Variants in ZYG11A observed in about 807,000 individuals in gnomAD.
ZYG11A encodes protein zyg-11 homolog A.
ZYG11A carries 62 observed loss-of-function variants against 77.2 expected under a neutral mutation model. The observed-to-expected ratio is 0.80, with a 90% confidence interval of 0.65 to 0.99. The LOEUF is 0.99. Ranked by LOEUF, ZYG11A falls within the 50% of genes least tolerant of loss-of-function variation. The pLI is 0.00. For synonymous variants in ZYG11A, 315 were observed against 324.6 expected (o/e 0.97, Z 0.32); for missense variants, 828 against 896.8 (o/e 0.92, Z 0.98).
chr1:52,864,506 T>C (rs1467738106), intron 5 of ZYG11A, among the ~76,000 whole-genome samples: 1 of 152,128 alleles, frequency 6.6e-6, no homozygotes, highest in African/African-American at 2.4e-5. Context: ...GGCAGACAAT[T>C]TGTGTTTTCT....
Position 52,846,310 on chromosome 1 carries a change from T to TTA in ZYG11A, c.90+3393_90+3394dup, listed in dbSNP as rs869093943. Among the ~76,000 whole-genome samples, 156 of 35,682 alleles carry TTA rather than the reference T, an allele frequency of 4.4e-3. 1 individual carries two copies. Among genetic ancestry groups the TTA allele is most frequent in the Non-Finnish European group, 8.0e-3 (104 of 13,014 alleles). The allele number at this position is 35,682 out of a possible 152,430, so 23.4% of individuals were successfully genotyped here. ...TTGGAAATCATGGCTTTTTAAATTT[T>TTA]TATATATATATATATATATATATAT... On this transcript the variant is annotated intron_variant, in intron 1 of 13. Transcript: ENST00000371528.
chr1:52,881,367 T>TTCTGAATTTA, intron 10 of ZYG11A, 104 bp from the exon 11 acceptor site: 1 of 791,546 alleles, frequency 1.3e-6, no homozygotes, highest in Non-Finnish European at 2.0e-6. Flanking sequence ...AGAATAAGAG[T>TTCTGAATTTA]TCTGAATTTA....
chr1:52,865,492 C>T (rs1324746585), intron 5 of ZYG11A, among the ~76,000 whole-genome samples: 2 of 152,126 alleles, frequency 1.3e-5, no homozygotes, highest in Non-Finnish European at 2.9e-5. Context: ...TAAATGAAAG[C>T]ATGTATCCAT....
chr1:52,892,054 A>C (rs1160070186), intron 13 of ZYG11A, among the ~76,000 whole-genome samples: 1 of 150,468 alleles, frequency 6.6e-6, no homozygotes, highest in African/African-American at 2.5e-5. Flanking sequence ...GCCCACGACC[A>C]CGCCCAGCTA....
intron 13 of ZYG11A, among the ~76,000 whole-genome samples, chr1:52,892,537 A>G (rs1646563060): frequency 1.3e-5 from 2 of 151,970 alleles, no homozygotes; most frequent in African/African-American, 2.4e-5. Flanking sequence ...TCAAAAAAAA[A>G]AAGAAAAAGA....
At chr1:52,843,909 A>C (rs2149980098) in intron 1 of ZYG11A, among the ~76,000 whole-genome samples, 1 of 151,752 alleles carries the variant, frequency 6.6e-6, no homozygotes, top group East Asian at 1.9e-4. Flanking sequence ...GATGGTTTCG[A>C]ACTCCAGACC....
In ZYG11A at chr1:52,842,855, C is replaced by G. The variant is rs549648855; in HGVS notation, c.-29C>G. 6.5e-7 allele frequency: 1 copy of G among 1,527,800 alleles called. No homozygotes were observed. Among genetic ancestry groups the G allele is most frequent in the African/African-American group, 1.4e-5 (1 of 70,260 alleles). 94.6% of individuals were successfully genotyped at this position (1,527,800 alleles called of 1,614,324 possible). ...CGGGCTCCGGCTCGACGCCGGCTCTCTTTTTGACGCCCCGCCGCCGGGGTT... is the reference window on the plus strand; with the variant it reads ...CGGGCTCCGGCTCGACGCCGGCTCTGTTTTTGACGCCCCGCCGCCGGGGTT... On this transcript the variant is annotated 5_prime_UTR_variant, in exon 1 of 14. Coordinates refer to ENST00000371528, the MANE Select transcript of ZYG11A (RefSeq NM_001004339.3).
intron 10 of ZYG11A, among the ~76,000 whole-genome samples, chr1:52,879,076 G>A (rs1242201): frequency 0.54 from 81,314 of 151,490 alleles, 22,730 homozygotes; most frequent in Non-Finnish European, 0.61. Context: ...TTTTTTAGCA[G>A]TTTCTTTGTT....
At position 52,854,564 on chromosome 1, in the gene ZYG11A, C is replaced by T. The variant is rs1364613997; in HGVS notation, c.190C>T (p.Leu64Phe). The T allele has an allele frequency of 3.2e-6, 5 of 1,550,796 alleles. No individual in the cohort carries two copies. Among genetic ancestry groups the T allele is most frequent in the Non-Finnish European group, 4.4e-6 (5 of 1,146,342 alleles). ...TGAAAGACCTGATGGAACACTGTGCCTTCCGGAGCATTGGAGTTTCCCTCA... is the reference window on the plus strand; with the variant it reads ...TGAAAGACCTGATGGAACACTGTGCTTTCCGGAGCATTGGAGTTTCCCTCA... ...CSERPDGTLC[L>F]PEHWSFPQEV... Residue 64 changes from leucine (L) to phenylalanine (F), a missense_variant, in exon 2 of 14, where the codon CTT (leucine) becomes TTT (phenylalanine). By Grantham distance (22) the Leu-to-Phe change is conservative. Transcript: ENST00000371528.
chr1:52,873,141 G>A (rs1365648438), intron 8 of ZYG11A, among the ~76,000 whole-genome samples: 5 of 151,540 alleles, frequency 3.3e-5, no homozygotes, highest in Admixed American at 2.6e-4. Flanking sequence ...GCAACGTGGC[G>A]AAATCCTGTC....
chr1:52,885,156 C>T (rs942446200), intron 11 of ZYG11A, among the ~76,000 whole-genome samples: 6 of 152,124 alleles, frequency 3.9e-5, no homozygotes, highest in South Asian at 4.1e-4. Context: ...GTGATCTACC[C>T]GCCTTGGCCT....
chr1:52,863,265 A>G (rs1263932610), intron 4 of ZYG11A, among the ~76,000 whole-genome samples: 1 of 152,182 alleles, frequency 6.6e-6, no homozygotes, highest in African/African-American at 2.4e-5. Context: ...CTCATTTTAC[A>G]TTTGTGTTCT....
Position 52,863,337 on chromosome 1 carries a change from TCTC to T in ZYG11A, c.1150-640_1150-638del, listed in dbSNP as rs1042584068. On this transcript the variant is annotated intron_variant, in intron 4 of 13. Coordinates refer to ENST00000371528, the MANE Select transcript of ZYG11A (RefSeq NM_001004339.3). ...TTTGTTTTACCATTTTTCAAATTCT[TCTC>T]CTCTGTTGGTGGATTTATCCCATCC... Among the ~76,000 whole-genome samples the T allele has an allele frequency of 2.8e-4, 42 of 152,326 alleles. 1 individual carries two copies. Among genetic ancestry groups the T allele is most frequent in the African/African-American group, 8.4e-4 (35 of 41,578 alleles).
intron 8 of ZYG11A, among the ~76,000 whole-genome samples, chr1:52,872,765 C>A (rs1413310194): frequency 1.3e-5 from 2 of 150,262 alleles, no homozygotes; most frequent in Non-Finnish European, 3.0e-5. Flanking sequence ...TGCCTGTAAT[C>A]CTAGACACTT....
intron 3 of ZYG11A, among the ~76,000 whole-genome samples, chr1:52,860,073 T>A (rs779613675): frequency 4.9e-4 from 74 of 152,346 alleles, no homozygotes; most frequent in Non-Finnish European, 9.3e-4. Context: ...TTTTGGTTAT[T>A]CTAGGTTCTT....
In ZYG11A at chr1:52,885,809, T is replaced by A. The variant is rs1157956743; in HGVS notation, c.1945-24T>A. The A allele has an allele frequency of 2.0e-6, 3 of 1,502,390 alleles. No individual in the cohort carries two copies. The East Asian group carries it at 7.4e-5, about 37-fold the overall frequency. The allele number at this position is 1,502,390 out of a possible 1,614,324, so 93.1% of individuals were successfully genotyped here. A position where few individuals can be genotyped will look rare whatever the true frequency, so the allele number is the denominator to read the frequency against. On this transcript the variant is annotated intron_variant, in intron 11 of 13. Coordinates refer to ENST00000371528, the MANE Select transcript of ZYG11A (RefSeq NM_001004339.3). ...AATGATGGATTATTCAAATGTTGGTTTCTCTCTCTTGTTTTTGGAGTAGCA... is the reference window on the plus strand; with the variant it reads ...AATGATGGATTATTCAAATGTTGGTATCTCTCTCTTGTTTTTGGAGTAGCA...
At chr1:52,856,310 G>C (rs1310825397) in intron 2 of ZYG11A, among the ~76,000 whole-genome samples, 1 of 151,950 alleles carries the variant, frequency 6.6e-6, no homozygotes, top group Non-Finnish European at 1.5e-5. Flanking sequence ...TCTCACCATA[G>C]AAGATGTGTA....
At chr1:52,843,869 G>A (rs1247325305) in intron 1 of ZYG11A, among the ~76,000 whole-genome samples, 2 of 151,908 alleles carry the variant, frequency 1.3e-5, no homozygotes, top group African/African-American at 4.8e-5. Flanking sequence ...TGTATTTTTA[G>A]TAGAGACGGG....
chr1:52,859,828 C>T (rs891263976), intron 3 of ZYG11A, among the ~76,000 whole-genome samples: 1 of 151,816 alleles, frequency 6.6e-6, no homozygotes, highest in Admixed American at 6.6e-5. Flanking sequence ...TAGGCGTGCA[C>T]CACCACGCCC....
Sources: allele counts gnomAD v4.1 joint callset (sites outside exome capture counted in the v4.1 genomes callset), GRCh38; gene constraint gnomAD v4.1.1; transcripts MANE v1.5; gene names NCBI Gene and HGNC (gene_info 2026-07-23, HGNC 2026-07-21).